Variants in LIMCH1 observed in about 807,000 individuals in gnomAD.
LIMCH1 encodes the protein LIM and calponin homology domains-containing protein 1.
A neutral mutation model predicts 176.5 loss-of-function variants in LIMCH1; 113 were observed. The ratio of observed to expected loss-of-function variants is 0.64; its 90% CI spans 0.55 to 0.75. The LOEUF (loss-of-function observed/expected upper bound fraction) is 0.75, where lower values mean the gene tolerates loss of function less well. Ranked by LOEUF, LIMCH1 falls within the 30% of genes least tolerant of loss-of-function variation. LIMCH1 has a pLI of 0.00. For synonymous variants in LIMCH1, 619 were observed against 645.9 expected (o/e 0.96, Z 0.63); for missense variants, 1,674 against 1,814.9 (o/e 0.92, Z 1.41).
At chr4:41,652,248 A>T (rs192708603) in intron 18 of LIMCH1, among the ~76,000 whole-genome samples, 230 of 150,206 alleles carry the variant, frequency 1.5e-3, no homozygotes, top group Middle Eastern at 6.9e-3. Flanking sequence ...GACTAAAATT[A>T]TTTTTTTTTT....
At chr4:41,450,855 A>C (rs2154146573) in intron 1 of LIMCH1, among the ~76,000 whole-genome samples, 1 of 150,174 alleles carries the variant, frequency 6.7e-6, no homozygotes. Flanking sequence ...CAGTTTGGGT[A>C]CTTACATACT....
chr4:41,612,954 G>GATTT, intron 4 of LIMCH1: 1 of 1,535,234 alleles, frequency 6.5e-7, no homozygotes, highest in South Asian at 1.2e-5. Context: ...GCTGCTCCAG[G>GATTT]ATTTTACAGA....
intron 1 of LIMCH1, among the ~76,000 whole-genome samples, chr4:41,554,874 A>G (rs898680248): frequency 6.6e-6 from 1 of 152,170 alleles, no homozygotes; most frequent in African/African-American, 2.4e-5. Flanking sequence ...TGTGCAGGGA[A>G]CAAGACATGA....
At position 41,671,572 on chromosome 4, in the gene LIMCH1, A is replaced by G; in HGVS notation, c.3416A>G (p.Glu1139Gly). The change falls in exon 22 of 32, where the codon GAG (glutamate) becomes GGG (glycine). Residue 1139 changes from glutamate to glycine, a missense_variant. Glu to Gly is a moderately conservative substitution (Grantham distance 98). Transcript: ENST00000503057. ...TGTGCAGTGGATTCTCCAAGCAGTG[A>G]GAAGTCACCTGTTATGACACCTGTA... ...LNSQVDSPSS[E>G]KSPVMTPFKF... 1 of 1,605,976 alleles carries G rather than the reference A, an allele frequency of 6.2e-7. No individual in the cohort carries two copies. Among genetic ancestry groups the G allele is most frequent in the Non-Finnish European group, 8.5e-7 (1 of 1,172,740 alleles).
intron 1 of LIMCH1, among the ~76,000 whole-genome samples, chr4:41,574,229 G>A (rs1231634866): frequency 4.1e-5 from 4 of 98,304 alleles, no homozygotes; most frequent in African/African-American, 1.7e-4. Context: ...TATCCTTGAA[G>A]ATCCCCTCCC....
intron 1 of LIMCH1, among the ~76,000 whole-genome samples, chr4:41,487,728 G>C (rs1431429876): frequency 2.9e-5 from 4 of 137,154 alleles, no homozygotes; most frequent in African/African-American, 1.1e-4. Flanking sequence ...GTGTGATCTC[G>C]GCTCACTGCA....
chr4:41,631,416 G>C lies in LIMCH1; in HGVS notation c.1540G>C (p.Val514Leu). 1 of 1,532,578 alleles carries C rather than the reference G, an allele frequency of 6.5e-7. No homozygotes were observed. The highest frequency in any genetic ancestry group is 8.7e-7 in the Non-Finnish European group (1 of 1,145,998). 94.9% of individuals were successfully genotyped at this position (1,532,578 alleles called of 1,614,324 possible). The change falls in exon 10 of 32, where the codon GTC (valine) becomes CTC (leucine). Residue 514 changes from valine to leucine, a missense_variant. By Grantham distance (32) the Val-to-Leu change is conservative. Around this residue, in one of 3 missense-constraint regions of LIMCH1, gnomAD observed 655 missense variants for 692.2 expected, o/e 0.95. Coordinates refer to ENST00000503057, the MANE Select transcript of LIMCH1 (RefSeq NM_001330672.2). ...SKIQMDSVSPVSAATSSLKGH... is the reference protein window; with the variant it reads ...SKIQMDSVSPLSAATSSLKGH... ...GATTCAAATGGACTCTGTGTCTCCT[G>C]TCTCAGCGGCCACTTCCAGCTTAAA...
intron 1 of LIMCH1, among the ~76,000 whole-genome samples, chr4:41,375,882 A>G (rs2054693301): frequency 6.6e-6 from 1 of 152,212 alleles, no homozygotes; most frequent in Non-Finnish European, 1.5e-5. Context: ...TTACTTTGCT[A>G]ATTCTTGGGC....
chr4:41,489,952 A>T (rs969709270), intron 1 of LIMCH1, among the ~76,000 whole-genome samples: 2 of 152,198 alleles, frequency 1.3e-5, no homozygotes, highest in Admixed American at 1.3e-4. Context: ...TCTTTTAATA[A>T]AGTAAGCTAG....
chr4:41,644,470 C>A, intron 14 of LIMCH1, 30 bp from the exon 15 acceptor site: 2 of 1,475,624 alleles, frequency 1.4e-6, no homozygotes, highest in South Asian at 2.7e-5. Flanking sequence ...TGATCGCGGT[C>A]CCTCTTGTGT....
chr4:41,531,474 TCACACACACACACACA>T (rs59275736), intron 3 of LIMCH1, among the ~76,000 whole-genome samples: 23 of 127,080 alleles, frequency 1.8e-4, no homozygotes, highest in African/African-American at 7.3e-4. Context: ...TCTTTCTCTG[TCACACACACACACACA>T]CACACACACA....
rs2092380397 is a variant in LIMCH1 at position 41,619,261 on chromosome 4, A to T, written c.279A>T (p.Ala93=). 1 of 1,614,102 alleles carries T rather than the reference A, an allele frequency of 6.2e-7. No individual in the cohort carries two copies. Among genetic ancestry groups the T allele is most frequent in the Non-Finnish European group, 8.5e-7 (1 of 1,180,044 alleles). Residue 93 remains alanine, a synonymous_variant, in exon 6 of 32, where the codon GCA becomes GCT. Transcript: ENST00000503057. ...LPDVKKDDMS[A]RRTSHGEPKS... is the part of the protein sequence containing the mutation. ...ATGTGAAGAAGGATGACATGTCTGC[A>T]CGGCGGACTTCCCATGGTGAGCCGA...
chr4:41,517,168 C>T (rs2075664104), intron 2 of LIMCH1, among the ~76,000 whole-genome samples: 1 of 152,162 alleles, frequency 6.6e-6, no homozygotes, highest in African/African-American at 2.4e-5. Context: ...CGGGTGTCAA[C>T]ATCTAACTAG....
At chr4:41,497,406 A>C (rs1200045055) in intron 2 of LIMCH1, among the ~76,000 whole-genome samples, 1 of 152,200 alleles carries the variant, frequency 6.6e-6, no homozygotes, top group East Asian at 1.9e-4. Context: ...CCTGGTTTCA[A>C]ACTTAGCTGT....
intron 1 of LIMCH1, among the ~76,000 whole-genome samples, chr4:41,398,615 A>G (rs2058062123): frequency 2.0e-5 from 3 of 152,136 alleles, no homozygotes; most frequent in Admixed American, 1.3e-4. Context: ...CTGAACTGAA[A>G]TCTGAGAGGT....
chr4:41,613,646 A>G lies in LIMCH1; in HGVS notation c.190A>G (p.Arg64Gly). The change falls in exon 5 of 32, where the codon AGG becomes GGG. Residue 64 changes from arginine (R) to glycine (G), a missense_variant. Arg to Gly is a moderately radical substitution (Grantham distance 125, BLOSUM62 -2). Around this residue, in one of 3 missense-constraint regions of LIMCH1, gnomAD observed 655 missense variants for 692.2 expected, o/e 0.95. Transcript: ENST00000503057. ...GACGCCTTCACCAGATGTAGTCCTCAGGGGAAGCAGCGATGGTAGGTTGGA... is the reference window on the plus strand; with the variant it reads ...GACGCCTTCACCAGATGTAGTCCTCGGGGGAAGCAGCGATGGTAGGTTGGA... The part of the protein sequence containing the change: ...RQTPSPDVVL[R>G]GSSDGRGSDS... 6.2e-7 allele frequency: 1 copy of G among 1,613,990 alleles called. No homozygotes were observed. Among genetic ancestry groups the G allele is most frequent in the East Asian group, 2.2e-5 (1 of 44,872 alleles).
chr4:41,506,472 A>C (rs1437916254), intron 2 of LIMCH1, among the ~76,000 whole-genome samples: 1 of 152,220 alleles, frequency 6.6e-6, no homozygotes, highest in African/African-American at 2.4e-5. Flanking sequence ...AGGCACCAAG[A>C]GGCATAAAAA....
chr4:41,450,101 G>C (rs1056614122), intron 1 of LIMCH1, among the ~76,000 whole-genome samples: 1 of 152,140 alleles, frequency 6.6e-6, no homozygotes, highest in African/African-American at 2.4e-5. Context: ...GGTACTGGGG[G>C]TTACGACTTC....
intron 1 of LIMCH1, among the ~76,000 whole-genome samples, chr4:41,408,048 G>A (rs1287232583): frequency 3.9e-5 from 6 of 152,256 alleles, no homozygotes; most frequent in African/African-American, 1.2e-4. Context: ...TTCATACCTC[G>A]CCTCATTCCA....
Sources: allele counts gnomAD v4.1 joint callset (sites outside exome capture counted in the v4.1 genomes callset), GRCh38; gene constraint gnomAD v4.1.1; regional missense constraint gnomAD v4.1.1; transcripts MANE v1.5; gene names NCBI Gene and HGNC (gene_info 2026-07-23, HGNC 2026-07-21).